Variants in LPIN2 observed in about 807,000 individuals in gnomAD.
LPIN2 encodes the protein phosphatidate phosphatase LPIN2.
In LPIN2, 55 loss-of-function variants were observed where a neutral mutation model predicts 111.4. The ratio of observed to expected loss-of-function variants is 0.49; its 90% confidence interval spans 0.40 to 0.62. The LOEUF (loss-of-function observed/expected upper bound fraction) is 0.62, where lower values mean the gene tolerates loss of function less well. Among genes scored for constraint, LPIN2 ranks in the 20% least tolerant of loss-of-function variants. The probability of loss-of-function intolerance (pLI) is 0.00; values close to 1 mark genes in which losing one functional copy is unlikely to be tolerated. For synonymous variants in LPIN2, 425 were observed against 414.0 expected (o/e 1.03, Z -0.32); for missense variants, 992 against 1,112.1 (o/e 0.89, Z 1.54).
chr18:2,959,076 A>C (rs2077667342), intron 2 of LPIN2, among the ~76,000 whole-genome samples: 1 of 152,176 alleles, frequency 6.6e-6, no homozygotes, highest in Non-Finnish European at 1.5e-5. Context: ...AGAAAGAAAA[A>C]ATTTCAGAGA....
rs149604475 is a variant in LPIN2 at position 2,934,595 on chromosome 18, C to T, written c.1169-145G>A. The T allele has an allele frequency of 2.9e-4, 189 of 662,528 alleles. 1 individual carries two copies. The highest frequency in any genetic ancestry group is 2.4e-3 in the African/African-American group (135 of 55,830). 41.0% of individuals were successfully genotyped at this position (662,528 alleles called of 1,614,324 possible). On this transcript the variant is annotated intron_variant, in intron 7 of 19. Coordinates refer to ENST00000677752, the MANE Select transcript of LPIN2 (RefSeq NM_001375808.2). ...TTAAAGGTGTCAACCAGCCTTTTTA[C>T]TTAGGTTGGTTCCCAGCCATCCATG...
At chr18:2,939,208 T>C (rs1323766113) in intron 6 of LPIN2, among the ~76,000 whole-genome samples, 3 of 152,212 alleles carry the variant, frequency 2.0e-5, no homozygotes, top group African/African-American at 7.2e-5. Context: ...CAGTTTAAGA[T>C]GCCTTTTAAA....
At chr18:2,948,918 A>C (rs2077495407) in intron 4 of LPIN2, among the ~76,000 whole-genome samples, 1 of 151,190 alleles carries the variant, frequency 6.6e-6, no homozygotes, top group Admixed American at 6.6e-5. Context: ...GGTTCAAGTG[A>C]TTCTCCTGCC....
chr18:2,962,199 C>T (rs927416151), intron 1 of LPIN2, among the ~76,000 whole-genome samples: 3 of 151,888 alleles, frequency 2.0e-5, no homozygotes, highest in South Asian at 2.1e-4. Flanking sequence ...AATCAAGGCC[C>T]ATCAGTTCTA....
chr18:2,996,119 T>C (rs2078337137), intron 1 of LPIN2, among the ~76,000 whole-genome samples: 1 of 152,068 alleles, frequency 6.6e-6, no homozygotes, highest in Non-Finnish European at 1.5e-5. Flanking sequence ...GGCGGGCGGA[T>C]CATGAGGTCA....
intron 9 of LPIN2, among the ~76,000 whole-genome samples, chr18:2,930,232 G>A (rs2077194813): frequency 6.6e-6 from 1 of 152,174 alleles, no homozygotes. Flanking sequence ...AAACAAAGGT[G>A]TAACTTTTAT....
chr18:2,989,291 C>T lies in LPIN2; in HGVS notation c.-10+23796G>A, dbSNP rs140532504. On this transcript the variant is annotated intron_variant, in intron 1 of 19. Transcript: ENST00000677752. ...TGCTAAGTATTTCTAAAATCTCAAACATTATGCAATGCATCTAAAAGAAAA... is the reference window on the plus strand; with the variant it reads ...TGCTAAGTATTTCTAAAATCTCAAATATTATGCAATGCATCTAAAAGAAAA... Among the ~76,000 whole-genome samples, 7 of 151,726 alleles carry T rather than the reference C, an allele frequency of 4.6e-5. No homozygotes were observed. The East Asian group carries it at 1.4e-3, about 29-fold the overall frequency.
At position 2,922,159 on chromosome 18, in the gene LPIN2, C is replaced by T. The variant is rs745481472; in HGVS notation, c.2215G>A (p.Gly739Ser). 4.3e-6 allele frequency: 7 copies of T among 1,613,690 alleles called. No homozygotes were observed. Among genetic ancestry groups the T allele is most frequent in the African/African-American group, 1.3e-5 (1 of 74,854 alleles). ...TAGCCACGGGTCATGTCGGCCATGC[C>T]GATGGCACGAGCCGAGCAGTACAGA... Reference protein sequence around the residue: ...KFLYCSARAIGMADMTRGYLH... With the variant: ...KFLYCSARAISMADMTRGYLH... Residue 739 changes from glycine (G) to serine (S), a missense_variant, in exon 17 of 20, where the codon GGC (glycine) becomes AGC (serine). By Grantham distance (56) the Gly-to-Ser change is moderately conservative. Coordinates refer to ENST00000677752, the MANE Select transcript of LPIN2 (RefSeq NM_001375808.2).
rs552976369 is a variant in LPIN2 at position 3,001,690 on chromosome 18, G to A, written c.-10+11397C>T. On this transcript the variant is annotated intron_variant, in intron 1 of 19. Coordinates refer to ENST00000677752, the MANE Select transcript of LPIN2 (RefSeq NM_001375808.2). ...CCACAAGCACAGAAAAGAAATGAAA[G>A]GGGCTTTTGCTAGGGAGCAGTAATC... Among the ~76,000 whole-genome samples, 137 of 152,004 alleles carry A rather than the reference G, an allele frequency of 9.0e-4. 1 individual carries two copies. Among genetic ancestry groups the A allele is most frequent in the African/African-American group, 3.2e-3 (134 of 41,458 alleles).
chr18:3,000,854 G>A (rs2078424534), intron 1 of LPIN2, among the ~76,000 whole-genome samples: 1 of 150,982 alleles, frequency 6.6e-6, no homozygotes. Context: ...AACTGAGATG[G>A]CAAATCCCAA....
At position 2,937,918 on chromosome 18, in the gene LPIN2, A is replaced by G; in HGVS notation, c.942T>C (p.Asp314=). ...EDNLISEVEK[D]ASMEDTVCTI... is the part of the protein sequence containing the mutation. Reference sequence around the variant, plus strand: ...TACAGACAGTGTCTTCCATGGAAGCATCCTTCTCAACTTCACTGATGAGGT... The same window carrying G: ...TACAGACAGTGTCTTCCATGGAAGCGTCCTTCTCAACTTCACTGATGAGGT... Residue 314 remains aspartate, a synonymous_variant, in exon 7 of 20, where the codon GAT becomes GAC. Transcript: ENST00000677752. 1.9e-6 allele frequency: 3 copies of G among 1,614,184 alleles called. No individual in the cohort carries two copies. Among genetic ancestry groups the G allele is most frequent in the Non-Finnish European group, 2.5e-6 (3 of 1,180,020 alleles).
chr18:2,946,623 T>C, intron 4 of LPIN2: 1 of 719,676 alleles, frequency 1.4e-6, no homozygotes. Flanking sequence ...AGCACCAGTC[T>C]CCATACCTCA....
chr18:2,964,565 G>A (rs533773467), intron 1 of LPIN2, among the ~76,000 whole-genome samples: 9 of 152,140 alleles, frequency 5.9e-5, no homozygotes, highest in Non-Finnish European at 1.0e-4. Context: ...CTGCAAACCA[G>A]GAAGAGAGCC....
Position 2,940,731 on chromosome 18 carries a change from A to C in LPIN2, c.591-19T>G, listed in dbSNP as rs765447652. Reference sequence around the variant, plus strand: ...AGATCCTCTGTGAAGGAGAAACCAAAGAAAGGCAGGAACGATGACATTCTT... The same window carrying C: ...AGATCCTCTGTGAAGGAGAAACCAACGAAAGGCAGGAACGATGACATTCTT... On this transcript the variant is annotated intron_variant, in intron 4 of 19. Transcript: ENST00000677752. 1.8e-5 allele frequency: 26 copies of C among 1,432,580 alleles called. No individual in the cohort carries two copies. In the Middle Eastern group the frequency reaches 7.0e-4, roughly 39 times the overall value. 88.7% of individuals were successfully genotyped at this position (1,432,580 alleles called of 1,614,324 possible). A position where few individuals can be genotyped will look rare whatever the true frequency, so the allele number is the denominator to read the frequency against.
intron 1 of LPIN2, chr18:2,991,008 GC>G: frequency 1.8e-6 from 1 of 568,904 alleles, no homozygotes. Flanking sequence ...TGATGCCTGG[GC>G]CCCCAATGAT....
In LPIN2 at chr18:2,951,071, C is replaced by T; in HGVS notation, c.574G>A (p.Gly192Arg). ...GAGTCCTACCGTGCTGCCTGGGCCC[C>T]CTTGTCATCATCGGAGCTCACGCCT... is the stretch of plus-strand genomic sequence containing the variant. ...DVGVSSDDDK[G>R]AQAARGSSNA... Residue 192 changes from glycine (G) to arginine (R), a missense_variant, in exon 4 of 20, where the codon GGG becomes AGG. Physicochemically the swap from Gly to Arg is moderately radical, Grantham distance 125 (BLOSUM62 -2). This residue lies in a region of LPIN2 where 709 missense variants were observed against 753.2 expected (regional missense o/e 0.94). Transcript: ENST00000677752. 5 of 1,614,158 alleles carry T rather than the reference C, an allele frequency of 3.1e-6. No homozygotes were observed. The highest frequency in any genetic ancestry group is 2.2e-5 in the South Asian group (2 of 91,068).
chr18:2,923,545 T>C (rs1338408416), intron 16 of LPIN2, among the ~76,000 whole-genome samples: 1 of 151,956 alleles, frequency 6.6e-6, no homozygotes, highest in Non-Finnish European at 1.5e-5. Context: ...TAGATGTAGG[T>C]AGTGCCTGAA....
At chr18:3,004,419 G>A (rs149074678) in intron 1 of LPIN2, among the ~76,000 whole-genome samples, 2,216 of 152,190 alleles carry the variant, frequency 0.015, 70 homozygotes, top group African/African-American at 0.05. Context: ...TTCTCAGACC[G>A]GCCAACACTT....
chr18:3,009,946 ATTT>A (rs141845226), intron 1 of LPIN2, among the ~76,000 whole-genome samples: 2 of 151,750 alleles, frequency 1.3e-5, no homozygotes, highest in East Asian at 1.9e-4. Context: ...CTCCCAACAG[ATTT>A]TTTTTTCTTC....
Sources: allele counts gnomAD v4.1 joint callset (sites outside exome capture counted in the v4.1 genomes callset), GRCh38; gene constraint gnomAD v4.1.1; regional missense constraint gnomAD v4.1.1; transcripts MANE v1.5; gene names NCBI Gene and HGNC (gene_info 2026-07-23, HGNC 2026-07-21).